RPS6KC1: variants seen among roughly 807,000 people sequenced by gnomAD.
RPS6KC1 encodes the protein inactive ribosomal protein S6 kinase delta-1.
Under a neutral mutation model 103.8 loss-of-function variants are expected in RPS6KC1, and 54 were observed. The ratio of observed to expected loss-of-function variants is 0.52; its 90% CI spans 0.42 to 0.65. The LOEUF is 0.65. Among genes scored for constraint, RPS6KC1 ranks in the 30% least tolerant of loss-of-function variants. The pLI, the probability that RPS6KC1 is intolerant of heterozygous loss-of-function variation, is 0.00. For synonymous variants in RPS6KC1, 439 were observed against 438.7 expected (o/e 1.00, Z -0.01); for missense variants, 1,151 against 1,253.8 (o/e 0.92, Z 1.24).
the RPS6KC1 span, among the ~76,000 whole-genome samples, chr1:213,602,289 C>T: frequency 5.7e-4 from 77 of 135,900 alleles, no homozygotes; most frequent in African/African-American, 2.1e-3. Context: ...GAGTCTCGCT[C>T]TGTCACCCAG....
intron 10 of RPS6KC1, among the ~76,000 whole-genome samples, chr1:213,238,828 A>G (rs1332375969): frequency 1.3e-5 from 2 of 152,194 alleles, no homozygotes; most frequent in African/African-American, 4.8e-5. Context: ...GTAGACATAC[A>G]AAGATGAAAA....
the RPS6KC1 span, among the ~76,000 whole-genome samples, chr1:213,566,175 A>C: frequency 6.6e-6 from 1 of 152,180 alleles, no homozygotes; most frequent in Non-Finnish European, 1.5e-5. Flanking sequence ...GTGTTTATAC[A>C]AGTGTTCACT....
chr1:213,431,647 T>TTGTGTGTGTG, the RPS6KC1 span, among the ~76,000 whole-genome samples: 3 of 127,826 alleles, frequency 2.3e-5, no homozygotes, highest in African/African-American at 8.6e-5. Flanking sequence ...ATTCCATTGT[T>TTGTGTGTGTG]TGTGTGTATG....
intron 4 of RPS6KC1, among the ~76,000 whole-genome samples, chr1:213,113,913 A>G (rs2083296441): frequency 6.6e-6 from 1 of 152,018 alleles, no homozygotes; most frequent in Non-Finnish European, 1.5e-5. Flanking sequence ...TGTTCCATTG[A>G]TCTATATCTC....
At chr1:213,495,210 G>A in the RPS6KC1 span, among the ~76,000 whole-genome samples, 1 of 152,086 alleles carries the variant, frequency 6.6e-6, no homozygotes, top group Non-Finnish European at 1.5e-5. Flanking sequence ...ATAGTAAAAG[G>A]GAACACATAA....
the RPS6KC1 span, among the ~76,000 whole-genome samples, chr1:213,735,635 C>A: frequency 1.3e-5 from 2 of 152,086 alleles, no homozygotes; most frequent in Non-Finnish European, 2.9e-5. Flanking sequence ...TGTTCTAATC[C>A]TTTTACCATC....
intron 7 of RPS6KC1, among the ~76,000 whole-genome samples, chr1:213,172,528 G>A (rs1390475938): frequency 6.6e-6 from 1 of 152,186 alleles, no homozygotes. Context: ...CAAGGTTATC[G>A]TTTGAGCCTG....
the RPS6KC1 span, among the ~76,000 whole-genome samples, chr1:213,722,137 A>G: frequency 3.9e-5 from 6 of 152,116 alleles, no homozygotes; most frequent in South Asian, 6.2e-4. Context: ...AGGCAGCTCC[A>G]TAGTGGTACC....
chr1:213,713,446 T>C, the RPS6KC1 span, among the ~76,000 whole-genome samples: 3 of 152,360 alleles, frequency 2.0e-5, no homozygotes, highest in Non-Finnish European at 2.9e-5. Flanking sequence ...GTCTGTCTCA[T>C]AGCAGTACTT....
the RPS6KC1 span, among the ~76,000 whole-genome samples, chr1:213,387,791 T>G: frequency 6.6e-6 from 1 of 152,184 alleles, no homozygotes; most frequent in African/African-American, 2.4e-5. Flanking sequence ...AACTTCTGGA[T>G]TTTTACAGAT....
chr1:213,798,324 A>G, the RPS6KC1 span, among the ~76,000 whole-genome samples: 41,495 of 152,166 alleles, frequency 0.27, 9,738 homozygotes, highest in African/African-American at 0.62. Flanking sequence ...AGGGCTGCCC[A>G]AGTGGGAGCT....
the RPS6KC1 span, among the ~76,000 whole-genome samples, chr1:213,328,017 A>G: frequency 6.6e-6 from 1 of 151,756 alleles, no homozygotes. Context: ...AACTCTTACC[A>G]TTATCTGAAA....
At chr1:213,131,380 G>C (rs2085591487) in intron 6 of RPS6KC1, among the ~76,000 whole-genome samples, 1 of 150,602 alleles carries the variant, frequency 6.6e-6, no homozygotes, top group Non-Finnish European at 1.5e-5. Context: ...GAAGTTACTT[G>C]TTTTCTTGCT....
In RPS6KC1 at chr1:213,114,360, C is replaced by T. The variant is rs567858322; in HGVS notation, c.379-2957C>T. Among the ~76,000 whole-genome samples the T allele has an allele frequency of 5.1e-3, 252 of 49,866 alleles. 4 individuals carry two copies. Among genetic ancestry groups the T allele is most frequent in the Middle Eastern group, 0.015 (2 of 132 alleles). The allele number at this position is 49,866 out of a possible 152,430, so 32.7% of individuals were successfully genotyped here. On this transcript the variant is annotated intron_variant, in intron 4 of 14. Transcript: ENST00000366960. ...GTTCACTCATGATTTGGCTCTCTGT[C>T]TGTTGTTGGTGTATAAGAATGCTTG...
the RPS6KC1 span, among the ~76,000 whole-genome samples, chr1:213,611,360 C>T: frequency 6.6e-6 from 1 of 152,094 alleles, no homozygotes; most frequent in African/African-American, 2.4e-5. Flanking sequence ...CTCACCCATG[C>T]TGCAGTTTTT....
the RPS6KC1 span, among the ~76,000 whole-genome samples, chr1:213,303,610 C>T: frequency 6.6e-6 from 1 of 152,044 alleles, no homozygotes; most frequent in Non-Finnish European, 1.5e-5. Flanking sequence ...GACAAAGGCG[C>T]GAGTGTAGGA....
At chr1:213,479,930 G>A in the RPS6KC1 span, among the ~76,000 whole-genome samples, 1 of 151,666 alleles carries the variant, frequency 6.6e-6, no homozygotes, top group African/African-American at 2.4e-5. Flanking sequence ...CTGTAAATTG[G>A]GTATGTTTCT....
At chr1:213,233,422 G>T (rs961843147) in intron 10 of RPS6KC1, among the ~76,000 whole-genome samples, 1 of 152,224 alleles carries the variant, frequency 6.6e-6, no homozygotes, top group East Asian at 1.9e-4. Context: ...AGCCACCTCT[G>T]GTGTGGAACA....
chr1:213,114,465 G>A (rs1435429014), intron 4 of RPS6KC1, among the ~76,000 whole-genome samples: 17 of 151,020 alleles, frequency 1.1e-4, no homozygotes, highest in East Asian at 5.8e-4. Context: ...GGCTGAGACA[G>A]TGGGGTTTTC....
Sources: allele counts gnomAD v4.1 joint callset (sites outside exome capture counted in the v4.1 genomes callset), GRCh38; gene constraint gnomAD v4.1.1; transcripts MANE v1.5; gene names NCBI Gene and HGNC (gene_info 2026-07-23, HGNC 2026-07-21).